PHAF1: variants seen among roughly 807,000 people sequenced by gnomAD.
PHAF1 encodes phagosome assembly factor 1.
In PHAF1, 23 loss-of-function variants were observed where a neutral mutation model predicts 63.1. The observed-to-expected ratio is 0.36, with a 90% CI of 0.26 to 0.52. PHAF1 has a LOEUF of 0.52. PHAF1 is among the 20% of genes least tolerant of loss of function. The pLI is 0.93. For missense variants in PHAF1, 427 were observed against 517.2 expected (o/e 0.83, Z 1.69); for synonymous variants, 167 against 185.0 (o/e 0.90, Z 0.79).
chr16:67,145,937 C>T (rs2030018841), intron 14 of PHAF1, among the ~76,000 whole-genome samples: 1 of 152,130 alleles, frequency 6.6e-6, no homozygotes, highest in Admixed American at 6.5e-5. Flanking sequence ...GCTCTTTTTC[C>T]CTTTGAGCTT....
At chr16:67,118,049 G>A (rs1379335745) in intron 1 of PHAF1, among the ~76,000 whole-genome samples, 2 of 149,228 alleles carry the variant, frequency 1.3e-5, no homozygotes, top group African/African-American at 4.9e-5. Flanking sequence ...CCACCTCCCA[G>A]GTTCATGCCA....
At position 67,136,469 on chromosome 16, in the gene PHAF1, A is replaced by T. The variant is rs555728081; in HGVS notation, c.661+2002A>T. ...GCGTGGAGTTTGTTCCCATAAAGAG[A>T]GCTGAGAACCTTCGTGGAGCTCATT... On this transcript the variant is annotated intron_variant, in intron 8 of 15. Transcript: ENST00000219139. Among the ~76,000 whole-genome samples the T allele has an allele frequency of 9.5e-5, 14 of 147,086 alleles. No homozygotes were observed. The South Asian group carries it at 2.1e-3, about 22-fold the overall frequency.
intron 10 of PHAF1, among the ~76,000 whole-genome samples, chr16:67,142,603 T>C (rs899533127): frequency 1.3e-5 from 2 of 152,226 alleles, no homozygotes; most frequent in African/African-American, 4.8e-5. Flanking sequence ...GCCACAACTT[T>C]GCCCCTCCCC....
chr16:67,133,611 C>T (rs1290059099), intron 6 of PHAF1, among the ~76,000 whole-genome samples: 2 of 151,692 alleles, frequency 1.3e-5, no homozygotes, highest in African/African-American at 4.8e-5. Flanking sequence ...AACCCCGTCT[C>T]TATTAAAAAT....
At chr16:67,143,767 G>A (rs1396094759) in intron 10 of PHAF1, among the ~76,000 whole-genome samples, 1 of 152,070 alleles carries the variant, frequency 6.6e-6, no homozygotes, top group Non-Finnish European at 1.5e-5. Flanking sequence ...AGTACAGTGT[G>A]TTGAGAGGTA....
At chr16:67,118,742 T>C (rs1361217152) in intron 1 of PHAF1, among the ~76,000 whole-genome samples, 2 of 151,656 alleles carry the variant, frequency 1.3e-5, no homozygotes, top group Non-Finnish European at 2.9e-5. Flanking sequence ...GATTCATTGA[T>C]TCTGGTGGAT....
chr16:67,122,803 A>G (rs1195012451), intron 2 of PHAF1, among the ~76,000 whole-genome samples: 2 of 152,110 alleles, frequency 1.3e-5, no homozygotes, highest in Admixed American at 1.3e-4. Context: ...ATCTTGGCTC[A>G]CTGCAACTTC....
chr16:67,142,026 G>A (rs955456938), intron 10 of PHAF1, among the ~76,000 whole-genome samples: 10 of 152,210 alleles, frequency 6.6e-5, no homozygotes, highest in African/African-American at 2.4e-4. Context: ...ACAGCTGGAG[G>A]GTGAGCAAAA....
At chr16:67,132,720 AG>A in intron 5 of PHAF1, 96 bp from the exon 6 acceptor site, 2 of 1,218,772 alleles carry the variant, frequency 1.6e-6, no homozygotes, top group Non-Finnish European at 2.4e-6. Context: ...GCCACAGGGA[AG>A]GTGTTGTCAG....
intron 5 of PHAF1, 52 bp downstream of exon 5, chr16:67,132,577 T>G: frequency 6.4e-7 from 1 of 1,557,454 alleles, no homozygotes; most frequent in Non-Finnish European, 8.9e-7. Context: ...TTCATAGCAA[T>G]AAACCTGCCC....
chr16:67,132,477 C>T lies in PHAF1; in HGVS notation c.307C>T (p.Pro103Ser). Residue 103 changes from proline to serine, a missense_variant, in exon 5 of 16, where the codon CCT (proline) becomes TCT (serine). Coordinates refer to ENST00000219139, the MANE Select transcript of PHAF1 (RefSeq NM_025187.5). ...GCATTTTAATTCTCAGGCCATAGCT[C>T]CTACCATTGAACAGATTGACCAGTC... ...GVHFNSQAIA[P>S]TIEQIDQSFG... The T allele has an allele frequency of 1.2e-6, 2 of 1,613,724 alleles. No individual in the cohort carries two copies. The highest frequency in any genetic ancestry group is 1.7e-6 in the Non-Finnish European group (2 of 1,179,750).
At chr16:67,113,578 T>TC (rs1338602127) in intron 1 of PHAF1, among the ~76,000 whole-genome samples, 3 of 150,790 alleles carry the variant, frequency 2.0e-5, no homozygotes, top group Admixed American at 6.6e-5. Context: ...GCCTCCCAAG[T>TC]AGCTGGGACT....
At chr16:67,131,461 C>A in intron 4 of PHAF1, 132 bp downstream of exon 4, 2 of 657,792 alleles carry the variant, frequency 3.0e-6, no homozygotes, top group South Asian at 2.3e-5. Context: ...ATTCCTGAGG[C>A]AACCTTCAAG....
intron 2 of PHAF1, 118 bp from the exon 3 acceptor site, chr16:67,125,841 G>T: frequency 2.7e-6 from 2 of 733,548 alleles, no homozygotes; most frequent in Admixed American, 2.1e-5. Context: ...AGCTGGAGGA[G>T]AGAGGGACTG....
intron 15 of PHAF1, 139 bp downstream of exon 15, chr16:67,146,489 C>T (rs1245044102): frequency 4.5e-6 from 4 of 890,240 alleles, no homozygotes; most frequent in African/African-American, 3.3e-5. Context: ...ACCGTGTCTG[C>T]TGCATACCTG....
chr16:67,146,136 C>A, intron 14 of PHAF1, 142 bp from the exon 15 acceptor site: 3 of 795,008 alleles, frequency 3.8e-6, no homozygotes, highest in South Asian at 1.5e-5. Context: ...TAGGATCTTG[C>A]AGGCCTGTGT....
intron 1 of PHAF1, among the ~76,000 whole-genome samples, chr16:67,117,691 C>T (rs1000396348): frequency 1.3e-5 from 2 of 150,214 alleles, no homozygotes; most frequent in East Asian, 2.0e-4. Context: ...ACCCAGGAGG[C>T]GGAGCTTGCA....
chr16:67,142,878 C>T (rs922181311), intron 10 of PHAF1, among the ~76,000 whole-genome samples: 1 of 152,222 alleles, frequency 6.6e-6, no homozygotes. Context: ...TCCTCTGCTC[C>T]AGTCGGCATC....
chr16:67,123,976 C>T (rs149291629), intron 2 of PHAF1, among the ~76,000 whole-genome samples: 26 of 152,256 alleles, frequency 1.7e-4, no homozygotes, highest in African/African-American at 5.8e-4. Context: ...GAAGAACCTG[C>T]TTAAATACCA....
Sources: gnomAD v4.1 joint callset for allele counts (sites outside exome capture counted in the v4.1 genomes callset) on GRCh38, gnomAD v4.1.1 for gene constraint, MANE v1.5 for transcripts, NCBI Gene and HGNC (gene_info 2026-07-23, HGNC 2026-07-21) for gene names.